RASGRP2: variants seen among roughly 807,000 people sequenced by gnomAD.
RASGRP2 encodes the protein RAS guanyl releasing protein 2.
A neutral mutation model predicts 71.0 loss-of-function variants in RASGRP2; 44 were observed. The ratio of observed to expected loss-of-function variants is 0.62; its 90% CI spans 0.49 to 0.80. The LOEUF (loss-of-function observed/expected upper bound fraction) is 0.80, where lower values mean the gene tolerates loss of function less well. Ranked by LOEUF, RASGRP2 falls within the 30% of genes least tolerant of loss-of-function variation. RASGRP2 has a pLI of 0.00. For synonymous variants in RASGRP2, 350 were observed against 330.7 expected (o/e 1.06, Z -0.63); for missense variants, 663 against 813.4 (o/e 0.82, Z 2.25).
Position 64,743,598 on chromosome 11 carries a change from C to G in RASGRP2, c.-72+405G>C. 2.6e-6 allele frequency: 1 copy of G among 380,556 alleles called. No homozygotes were observed. The highest frequency in any genetic ancestry group is 5.1e-6 in the Non-Finnish European group (1 of 196,150). 23.6% of individuals were successfully genotyped at this position (380,556 alleles called of 1,614,324 possible). On this transcript the variant is annotated intron_variant, in intron 1 of 16. Coordinates refer to ENST00000394432, the MANE Select transcript of RASGRP2 (RefSeq NM_001098671.2). This position sits in a 1 kb window ranked among gnomAD's most constrained non-coding sequence, Gnocchi z 4.9. ...AGCCTGAGCCTGGGAACTGAGCGCTCCCAGGCCACCTCCGCAAAGGTCCCA... is the reference window on the plus strand; with the variant it reads ...AGCCTGAGCCTGGGAACTGAGCGCTGCCAGGCCACCTCCGCAAAGGTCCCA...
chr11:64,741,507 G>A lies in RASGRP2; in HGVS notation c.177-6C>T. ...CCTTCCGGGATTGTTGGTAGGTGAA[G>A]GAGAGGGTTAAGGAGGCCGCTTAAC... On this transcript the variant is annotated splice_polypyrimidine_tract_variant and splice_region_variant and intron_variant, in intron 3 of 16. Transcript: ENST00000394432. 4 of 1,576,298 alleles carry A rather than the reference G, an allele frequency of 2.5e-6. No individual in the cohort carries two copies. The highest frequency in any genetic ancestry group is 1.2e-5 in the South Asian group (1 of 86,216).
rs954663078 is a variant in RASGRP2, at chr11:64,743,423, T to A, written c.-71-486A>T. 5.6e-6 allele frequency: 2 copies of A among 355,092 alleles called. No individual in the cohort carries two copies. Among genetic ancestry groups the A allele is most frequent in the Admixed American group, 3.8e-5 (1 of 26,130 alleles). The allele number at this position is 355,092 out of a possible 1,614,324, so 22.0% of individuals were successfully genotyped here. ...GTGGGGGGAGAGAACCCAGGCGTCC[T>A]GCCCGCCTCGCCCCCTCCCGGGAGC... On this transcript the variant is annotated intron_variant, in intron 1 of 16. Transcript: ENST00000394432. The surrounding 1 kb of genome is among the most constrained non-coding windows in gnomAD (Gnocchi z 4.9).
chr11:64,733,850 T>C (rs895585246), intron 12 of RASGRP2, among the ~76,000 whole-genome samples: 4 of 54,192 alleles, frequency 7.4e-5, no homozygotes, highest in South Asian at 1.3e-3. Flanking sequence ...TTCCTTTTTT[T>C]TTCTTTTTTT....
In RASGRP2 at chr11:64,739,140, TA is replaced by T. The variant is rs765864450; in HGVS notation, c.813+219del. 0.015 allele frequency among the ~76,000 whole-genome samples: 2,077 copies of T among 134,658 alleles called. 12 individuals carry two copies. Among genetic ancestry groups the T allele is most frequent in the African/African-American group, 0.032 (1,177 of 36,668 alleles). The allele number at this position is 134,658 out of a possible 152,430, so 88.3% of individuals were successfully genotyped here. A position where few individuals can be genotyped will look rare whatever the true frequency, so the allele number is the denominator to read the frequency against. ...GACAACAGAGAGAGAGACCCTGTCT[TA>T]AAAAAAAAAAAAAAAGTACTAGCTT... On this transcript the variant is annotated intron_variant, in intron 8 of 16. Transcript: ENST00000394432. This position sits in a 1 kb window ranked among gnomAD's most constrained non-coding sequence, Gnocchi z 4.2.
rs1435214505 is a variant in RASGRP2, at chr11:64,742,195, ATCGG to A, written c.74-87_74-84del. 1.8e-6 allele frequency: 2 copies of A among 1,120,744 alleles called. No individual in the cohort carries two copies. The highest frequency in any genetic ancestry group is 2.6e-6 in the Non-Finnish European group (2 of 755,200). The allele number at this position is 1,120,744 out of a possible 1,614,324, so 69.4% of individuals were successfully genotyped here. A position where few individuals can be genotyped will look rare whatever the true frequency, so the allele number is the denominator to read the frequency against. On this transcript the variant is annotated intron_variant, in intron 2 of 16. Transcript: ENST00000394432. The surrounding 1 kb of genome is among the most constrained non-coding windows in gnomAD (Gnocchi z 4.7). Reference sequence around the variant, plus strand: ...ATCCTCACCCCGCAACCCGCCAGGTATCGGTCCTTCGGGTGCACGCTCGACCCCG... The same window carrying A: ...ATCCTCACCCCGCAACCCGCCAGGTATCCTTCGGGTGCACGCTCGACCCCG...
At position 64,735,341 on chromosome 11, in the gene RASGRP2, C is replaced by T; in HGVS notation, c.1297-114G>A. On this transcript the variant is annotated intron_variant, in intron 11 of 16. Coordinates refer to ENST00000394432, the MANE Select transcript of RASGRP2 (RefSeq NM_001098671.2). The surrounding 1 kb of genome is among the most constrained non-coding windows in gnomAD (Gnocchi z 4.2). The stretch of plus-strand genomic sequence containing the variant: ...TTGATGAGGTGTGTCTCAGAGAGGT[C>T]TCTGACACCACCCCCGTTCCATACC... 7.9e-7 allele frequency: 1 copy of T among 1,266,258 alleles called. No homozygotes were observed. Among genetic ancestry groups the T allele is most frequent in the South Asian group, 1.2e-5 (1 of 82,284 alleles). 78.4% of individuals were successfully genotyped at this position (1,266,258 alleles called of 1,614,324 possible). A position where few individuals can be genotyped will look rare whatever the true frequency, so the allele number is the denominator to read the frequency against.
At chr11:64,727,737 C>T (rs1174442162) in intron 15 of RASGRP2, among the ~76,000 whole-genome samples, 2 of 152,030 alleles carry the variant, frequency 1.3e-5, no homozygotes, top group East Asian at 3.9e-4. Flanking sequence ...GTCTGGTCTC[C>T]AACTCCTGAC....
chr11:64,728,712 C>T (rs190422874), intron 15 of RASGRP2, 151 bp downstream of exon 15: 24 of 864,592 alleles, frequency 2.8e-5, no homozygotes, highest in East Asian at 5.5e-5. Flanking sequence ...GGATTACAGG[C>T]GTGAGCCACC....
chr11:64,744,421 T>C, upstream of RASGRP2: 1 of 529,502 alleles, frequency 1.9e-6, no homozygotes, highest in Non-Finnish European at 2.4e-6. Context: ...CCCGCCTGGC[T>C]CTACCGCTTC....
Position 64,742,689 on chromosome 11 carries a change from T to C in RASGRP2, c.73+105A>G. The C allele has an allele frequency of 6.9e-7, 1 of 1,450,414 alleles. No individual in the cohort carries two copies. Among genetic ancestry groups the C allele is most frequent in the Non-Finnish European group, 9.4e-7 (1 of 1,060,622 alleles). The allele number at this position is 1,450,414 out of a possible 1,614,324, so 89.8% of individuals were successfully genotyped here. ...AGAGACTGCACGCTGCGGAGCAGGG[T>C]GGGTCCGGGTCAGGGCTGTGCCCTG... is the stretch of plus-strand genomic sequence containing the variant. On this transcript the variant is annotated intron_variant, in intron 2 of 16. Transcript: ENST00000394432. The surrounding 1 kb of genome is among the most constrained non-coding windows in gnomAD (Gnocchi z 4.7).
Position 64,741,194 on chromosome 11 carries a change from C to G in RASGRP2, c.240-115G>C, listed in dbSNP as rs149730235. ...GCAAAAAGACCCTCAAACTATGGTT[C>G]CAGCTCTTTCCTTCGCCACTCCAAG... On this transcript the variant is annotated intron_variant, in intron 4 of 16. Transcript: ENST00000394432. 1.9e-4 allele frequency: 250 copies of G among 1,348,280 alleles called. 2 individuals carry two copies. The East Asian group carries it at 6.1e-3, about 33-fold the overall frequency. The allele number at this position is 1,348,280 out of a possible 1,614,324, so 83.5% of individuals were successfully genotyped here.
rs2058165033 is a variant in RASGRP2, at chr11:64,742,552, C to T, written c.73+242G>A. ...ATAATGCCCCTCAAGTGTCAGAGTC[C>T]GGGACCCGGCCCTCCCTTCGCCGCC... On this transcript the variant is annotated intron_variant, in intron 2 of 16. Coordinates refer to ENST00000394432, the MANE Select transcript of RASGRP2 (RefSeq NM_001098671.2). The surrounding 1 kb of genome is among the most constrained non-coding windows in gnomAD (Gnocchi z 4.7). 2 of 606,632 alleles carry T rather than the reference C, an allele frequency of 3.3e-6. No individual in the cohort carries two copies. The highest frequency in any genetic ancestry group is 2.8e-5 in the East Asian group (1 of 35,960). The allele number at this position is 606,632 out of a possible 1,614,324, so 37.6% of individuals were successfully genotyped here. A position where few individuals can be genotyped will look rare whatever the true frequency, so the allele number is the denominator to read the frequency against.
Position 64,743,538 on chromosome 11 carries a change from G to C in RASGRP2, c.-72+465C>G, listed in dbSNP as rs570319878. On this transcript the variant is annotated intron_variant, in intron 1 of 16. Coordinates refer to ENST00000394432, the MANE Select transcript of RASGRP2 (RefSeq NM_001098671.2). The surrounding 1 kb of genome is among the most constrained non-coding windows in gnomAD (Gnocchi z 4.9). ...TGGGAGAGGAACATTCCTGGGGCGG[G>C]GGGAGCCCGCTGCGGCCAGGAGGCG... is the stretch of plus-strand genomic sequence containing the variant. 4 of 339,522 alleles carry C rather than the reference G, an allele frequency of 1.2e-5. No homozygotes were observed. The highest frequency in any genetic ancestry group is 8.5e-5 in the South Asian group (4 of 47,246). 21.0% of individuals were successfully genotyped at this position (339,522 alleles called of 1,614,324 possible).
intron 12 of RASGRP2, among the ~76,000 whole-genome samples, chr11:64,734,186 C>G: frequency 6.6e-6 from 1 of 151,836 alleles, no homozygotes; most frequent in East Asian, 2.0e-4. Flanking sequence ...GTGATGCATG[C>G]CTGTAATCCC....
At chr11:64,727,509 T>A (rs2057606363) in intron 15 of RASGRP2, 149 bp from the exon 16 acceptor site, 8 of 32,694 alleles carry the variant, frequency 2.4e-4, no homozygotes, top group Non-Finnish European at 4.8e-4. Context: ...CAGCCCAATT[T>A]TTTTTTTTTT....
chr11:64,741,513 G>A lies in RASGRP2; in HGVS notation c.177-12C>T, dbSNP rs1241213933. Reference sequence around the variant, plus strand: ...GGGATTGTTGGTAGGTGAAGGAGAGGGTTAAGGAGGCCGCTTAACTCTAGA... The same window carrying A: ...GGGATTGTTGGTAGGTGAAGGAGAGAGTTAAGGAGGCCGCTTAACTCTAGA... On this transcript the variant is annotated splice_polypyrimidine_tract_variant and intron_variant, in intron 3 of 16. Coordinates refer to ENST00000394432, the MANE Select transcript of RASGRP2 (RefSeq NM_001098671.2). 1.3e-6 allele frequency: 2 copies of A among 1,570,482 alleles called. No homozygotes were observed. Among genetic ancestry groups the A allele is most frequent in the Non-Finnish European group, 1.7e-6 (2 of 1,154,480 alleles).
chr11:64,735,348 A>G lies in RASGRP2; in HGVS notation c.1297-121T>C. Reference sequence around the variant, plus strand: ...GGTGTGTCTCAGAGAGGTCTCTGACACCACCCCCGTTCCATACCTCCACCC... The same window carrying G: ...GGTGTGTCTCAGAGAGGTCTCTGACGCCACCCCCGTTCCATACCTCCACCC... On this transcript the variant is annotated intron_variant, in intron 11 of 16. Transcript: ENST00000394432. This position sits in a 1 kb window ranked among gnomAD's most constrained non-coding sequence, Gnocchi z 4.2. 1 of 1,266,720 alleles carries G rather than the reference A, an allele frequency of 7.9e-7. No homozygotes were observed. Among genetic ancestry groups the G allele is most frequent in the Admixed American group, 1.8e-5 (1 of 55,730 alleles). 78.5% of individuals were successfully genotyped at this position (1,266,720 alleles called of 1,614,324 possible). A position where few individuals can be genotyped will look rare whatever the true frequency, so the allele number is the denominator to read the frequency against.
In RASGRP2 at chr11:64,741,029, G is replaced by C; in HGVS notation, c.290C>G (p.Ala97Gly). Residue 97 changes from alanine to glycine, a missense_variant, in exon 5 of 17, where the codon GCT becomes GGT. Coordinates refer to ENST00000394432, the MANE Select transcript of RASGRP2 (RefSeq NM_001098671.2). ...AGCCTTCAGCTCCTTGATCTGCTCA[G>C]CCAACTCCGGGTTCAAGTCAAACTC... is the stretch of plus-strand genomic sequence containing the variant. ...PAEFDLNPEL[A>G]EQIKELKALL... 1 of 1,613,720 alleles carries C rather than the reference G, an allele frequency of 6.2e-7. No homozygotes were observed. The highest frequency in any genetic ancestry group is 8.5e-7 in the Non-Finnish European group (1 of 1,179,994).
In RASGRP2 at chr11:64,729,004, G is replaced by A. The variant is rs2057669357; in HGVS notation, c.1630C>T (p.Leu544=). The change falls in exon 15 of 17, where the codon CTG becomes TTG. Residue 544 remains leucine, a synonymous_variant. Transcript: ENST00000394432. Reference sequence around the variant, plus strand: ...GCCCTGCGCCGACACTCAACTGACAGGCGATCCTTGCACTGCTTGTGGCAG... The same window carrying A: ...GCCCTGCGCCGACACTCAACTGACAAGCGATCCTTGCACTGCTTGTGGCAG... ...VNCHKQCKDR[L]SVECRRRAQS... 2 of 1,606,168 alleles carry A rather than the reference G, an allele frequency of 1.2e-6. No individual in the cohort carries two copies. Among genetic ancestry groups the A allele is most frequent in the South Asian group, 1.1e-5 (1 of 90,630 alleles).
Sources: allele counts gnomAD v4.1 joint callset (sites outside exome capture counted in the v4.1 genomes callset), GRCh38; gene constraint gnomAD v4.1.1; non-coding constraint Gnocchi (gnomAD v3.1); transcripts MANE v1.5; gene names NCBI Gene and HGNC (gene_info 2026-07-23, HGNC 2026-07-21).